Variants in ZNF596 observed in about 807,000 individuals in gnomAD.
ZNF596 encodes the protein zinc finger protein 596.
ZNF596 carries 45 observed loss-of-function variants against 48.3 expected under a neutral mutation model. The ratio of observed to expected loss-of-function variants is 0.93; its 90% CI spans 0.73 to 1.19. The LOEUF (loss-of-function observed/expected upper bound fraction) is 1.19. Among genes scored for constraint, ZNF596 ranks in the 50% most tolerant of loss-of-function variants. The probability of loss-of-function intolerance (pLI) is 0.00; values close to 1 mark genes in which losing one functional copy is unlikely to be tolerated. For synonymous variants in ZNF596, 270 were observed against 202.0 expected, an observed-to-expected ratio of 1.34 and a Z score of -2.85; for missense variants, 848 against 599.7, an observed-to-expected ratio of 1.41 and a Z score of -4.32.
At position 245,535 on chromosome 8, in the gene ZNF596, A is replaced by C; in HGVS notation, c.688A>C (p.Lys230Gln). ...EKPHGCHLCG[K>Q]AFTHCSDLRK... is the part of the protein sequence containing the mutation. ...ACCACACGGATGTCATCTATGTGGG[A>C]AAGCCTTTACTCATTGCTCTGATCT... Residue 230 changes from lysine (K) to glutamine (Q), a missense_variant, in exon 6 of 6, where the codon AAA becomes CAA. Transcript: ENST00000398612. The C allele has an allele frequency of 6.2e-6, 10 of 1,614,160 alleles. No individual in the cohort carries two copies. Among genetic ancestry groups the C allele is most frequent in the Non-Finnish European group, 8.5e-6 (10 of 1,180,014 alleles).
chr8:234,576 A>G (rs1796549443), intron 1 of ZNF596: 1 of 152,248 alleles, frequency 6.6e-6, no homozygotes, highest in South Asian at 2.1e-4. Context: ...GAAAAGGATT[A>G]GATATGGCAC....
chr8:233,508 A>G (rs1427297772), intron 1 of ZNF596: 5 of 216,944 alleles, frequency 2.3e-5, no homozygotes, highest in African/African-American at 1.2e-4. Flanking sequence ...AGTATTCAAC[A>G]GCTTCCTCTA....
chr8:243,766 G>C lies in ZNF596; in HGVS notation c.184G>C (p.Val62Leu). The part of the protein sequence containing the change: ...KSVVLSQLEQ[V>L]EKLSTQRISL... ...AGTTGTGCTTTCCCAATTGGAGCAA[G>C]TAGAGAAACTTTCAACACAAAGAAT... is the stretch of plus-strand genomic sequence containing the variant. Residue 62 changes from valine to leucine, a missense_variant, in exon 4 of 6, where the codon GTA becomes CTA. Val to Leu is a conservative substitution (Grantham distance 32, BLOSUM62 1). Transcript: ENST00000398612. 1.9e-6 allele frequency: 3 copies of C among 1,613,794 alleles called. No homozygotes were observed. Among genetic ancestry groups the C allele is most frequent in the Non-Finnish European group, 2.5e-6 (3 of 1,179,812 alleles).
chr8:243,198 T>C (rs1796924465), intron 3 of ZNF596, 185 bp downstream of exon 3: 2 of 452,250 alleles, frequency 4.4e-6, no homozygotes, highest in South Asian at 4.5e-5. Flanking sequence ...TTTTCACTTA[T>C]ATTGATTTGT....
At position 232,496 on chromosome 8, in the gene ZNF596, G is replaced by A. The variant is rs1039412563; in HGVS notation, c.-271G>A. 5 of 303,234 alleles carry A rather than the reference G, an allele frequency of 1.6e-5. No individual in the cohort carries two copies. Among genetic ancestry groups the A allele is most frequent in the African/African-American group, 4.6e-5 (2 of 43,534 alleles). The allele number at this position is 303,234 out of a possible 1,614,324, so 18.8% of individuals were successfully genotyped here. On this transcript the variant is annotated 5_prime_UTR_variant, in exon 1 of 6. Coordinates refer to ENST00000398612, the MANE Select transcript of ZNF596 (RefSeq NM_001042416.3). Reference sequence around the variant, plus strand: ...GCGTCCTCCACACCCGGGGTCTGCTGGTCTCCGCGGATGTCACAGGCTCGG... The same window carrying A: ...GCGTCCTCCACACCCGGGGTCTGCTAGTCTCCGCGGATGTCACAGGCTCGG...
chr8:245,122 T>C (rs1255778217), intron 5 of ZNF596, 32 bp from the exon 6 acceptor site: 1 of 1,541,232 alleles, frequency 6.5e-7, no homozygotes, highest in Non-Finnish European at 8.7e-7. Context: ...GGATAAACCT[T>C]TAATAGTCTT....
intron 1 of ZNF596, among the ~76,000 whole-genome samples, chr8:238,075 C>G (rs866759766): frequency 7.2e-5 from 11 of 152,316 alleles, no homozygotes; most frequent in Middle Eastern, 3.4e-3. Context: ...GATGGACATG[C>G]CTTTCAGTCT....
At chr8:244,425 G>A in intron 4 of ZNF596, 194 bp from the exon 5 acceptor site, 1 of 564,870 alleles carries the variant, frequency 1.8e-6, no homozygotes, top group Non-Finnish European at 3.1e-6. Context: ...TCCTCGACTT[G>A]CCTTTATTTT....
At chr8:240,459 CGAG>C (rs1796807723) in intron 1 of ZNF596, 1 of 180,938 alleles carries the variant, frequency 5.5e-6, no homozygotes, top group African/African-American at 2.4e-5. Flanking sequence ...GCACACAAAC[CGAG>C]AATAATTAAA....
chr8:232,165 G>A (rs964299657), upstream of ZNF596: 4 of 152,274 alleles, frequency 2.6e-5, no homozygotes, highest in Non-Finnish European at 4.4e-5. Flanking sequence ...GCGGACCCAC[G>A]GCACACCGAA....
In ZNF596 at chr8:240,867, G is replaced by A. The variant is rs1273327965; in HGVS notation, c.-29G>A. 1 of 1,613,916 alleles carries A rather than the reference G, an allele frequency of 6.2e-7. No homozygotes were observed. Among genetic ancestry groups the A allele is most frequent in the Non-Finnish European group, 8.5e-7 (1 of 1,179,868 alleles). ...TGGATGGTGTGAGTGAAAACCCAGA[G>A]GAATACATTTGGTGGCTGAGCTAGT... On this transcript the variant is annotated 5_prime_UTR_variant, in exon 2 of 6. Coordinates refer to ENST00000398612, the MANE Select transcript of ZNF596 (RefSeq NM_001042416.3).
chr8:235,910 A>C (rs184386825), intron 1 of ZNF596, among the ~76,000 whole-genome samples: 108 of 152,212 alleles, frequency 7.1e-4, no homozygotes, highest in African/African-American at 2.4e-3. Context: ...TTCTTTTCAC[A>C]ACTATTTTGA....
chr8:239,839 G>A (rs950873020), intron 1 of ZNF596, among the ~76,000 whole-genome samples: 1 of 152,102 alleles, frequency 6.6e-6, no homozygotes, highest in African/African-American at 2.4e-5. Flanking sequence ...GATAGGGGGT[G>A]GGACTGTACG....
chr8:243,829 C>A, intron 4 of ZNF596, 24 bp downstream of exon 4: 1 of 1,598,362 alleles, frequency 6.3e-7, no homozygotes, highest in South Asian at 1.1e-5. Context: ...AGCAGTGCTT[C>A]AATAGGAGGA....
At chr8:233,261 G>GAGGC (rs1368086217) in intron 1 of ZNF596, 11 of 382,868 alleles carry the variant, frequency 2.9e-5, no homozygotes, top group African/African-American at 2.1e-4. Flanking sequence ...ATACAATGAG[G>GAGGC]AGGCCTTGAC....
chr8:245,139 C>A lies in ZNF596; in HGVS notation c.307-15C>A. The A allele has an allele frequency of 6.4e-7, 1 of 1,553,982 alleles. No individual in the cohort carries two copies. On this transcript the variant is annotated splice_polypyrimidine_tract_variant and intron_variant, in intron 5 of 5. Transcript: ENST00000398612. ...ATAAACCTTTAATAGTCTTTCATTTCATTCCCAAAACCAGAGATCTCATAC... is the reference window on the plus strand; with the variant it reads ...ATAAACCTTTAATAGTCTTTCATTTAATTCCCAAAACCAGAGATCTCATAC...
intron 1 of ZNF596, chr8:233,174 G>C (rs1347091226): frequency 8.6e-6 from 4 of 464,334 alleles, no homozygotes; most frequent in African/African-American, 8.4e-5. Context: ...GACAATGAAG[G>C]AGAGTGACCT....
intron 1 of ZNF596, chr8:234,445 G>A (rs1229732066): frequency 6.6e-6 from 1 of 152,170 alleles, no homozygotes; most frequent in Non-Finnish European, 1.5e-5. Context: ...CCCCATATAT[G>A]TGGTTGTGGT....
rs201973017 is a variant in ZNF596, at chr8:245,956, A to G, written c.1109A>G (p.Lys370Arg). 2 of 1,614,142 alleles carry G rather than the reference A, an allele frequency of 1.2e-6. No individual in the cohort carries two copies. The highest frequency in any genetic ancestry group is 2.2e-5 in the East Asian group (1 of 44,866). Reference sequence around the variant, plus strand: ...CCACATGGATGTCATCTATGTGGGAAAGCATTCACTGAATCTTCTGTGCTT... The same window carrying G: ...CCACATGGATGTCATCTATGTGGGAGAGCATTCACTGAATCTTCTGTGCTT... ...EKPHGCHLCG[K>R]AFTESSVLKR... The change falls in exon 6 of 6, where the codon AAA (lysine) becomes AGA (arginine). Residue 370 changes from lysine to arginine, a missense_variant. Transcript: ENST00000398612.
Sources: allele counts gnomAD v4.1 joint callset (sites outside exome capture counted in the v4.1 genomes callset), GRCh38; gene constraint gnomAD v4.1.1; transcripts MANE v1.5; gene names NCBI Gene and HGNC (gene_info 2026-07-23, HGNC 2026-07-21).